KIF1B: variants seen among roughly 807,000 people sequenced by gnomAD.
KIF1B encodes kinesin family member 1B.
A neutral mutation model predicts 241.9 loss-of-function variants in KIF1B; 76 were observed. The observed-to-expected ratio is 0.31, with a 90% confidence interval of 0.26 to 0.38. The LOEUF (loss-of-function observed/expected upper bound fraction) is 0.38. Among genes scored for constraint, KIF1B ranks in the 10% least tolerant of loss-of-function variants. The pLI, the probability that KIF1B is intolerant of heterozygous loss-of-function variation, is 1.00. For synonymous variants in KIF1B, 750 were observed against 796.7 expected (o/e 0.94, Z 0.99); for missense variants, 1,622 against 2,271.4 (o/e 0.71, Z 5.81).
At chr1:10,307,601 C>T (rs954940396) in intron 22 of KIF1B, 24 of 1,009,214 alleles carry the variant, frequency 2.4e-5, no homozygotes, top group African/African-American at 5.2e-5. Flanking sequence ...TGAGCCACCG[C>T]GCCTGGCCTG....
intron 22 of KIF1B, chr1:10,304,656 C>A (rs749037941): frequency 6.2e-7 from 1 of 1,613,506 alleles, no homozygotes; most frequent in East Asian, 2.2e-5. Context: ...AAATCAGTTA[C>A]TGGACAAACT....
intron 44 of KIF1B, 109 bp from the exon 45 acceptor site, chr1:10,371,032 G>A: frequency 7.6e-7 from 1 of 1,308,260 alleles, no homozygotes; most frequent in Non-Finnish European, 1.1e-6. Flanking sequence ...ATGACCTTCT[G>A]AAACAAGATG....
chr1:10,240,257 G>A (rs776944571), intron 2 of KIF1B, among the ~76,000 whole-genome samples: 1 of 151,612 alleles, frequency 6.6e-6, no homozygotes, highest in Non-Finnish European at 1.5e-5. Flanking sequence ...TGCCCAGGCT[G>A]GAGTGCAGTG....
intron 22 of KIF1B, among the ~76,000 whole-genome samples, chr1:10,315,404 G>C (rs934948807): frequency 6.6e-6 from 1 of 150,864 alleles, no homozygotes; most frequent in African/African-American, 2.5e-5. Context: ...TTGAACTCCT[G>C]ACCTCAGGTG....
chr1:10,292,015 T>A (rs577380459), intron 16 of KIF1B, 32 bp from the exon 17 acceptor site: 1 of 1,570,060 alleles, frequency 6.4e-7, no homozygotes, highest in African/African-American at 1.3e-5. Flanking sequence ...CATTTTGGTA[T>A]TAGTGTTCTG....
intron 31 of KIF1B, 45 bp from the exon 32 acceptor site, chr1:10,339,724 C>G: frequency 6.6e-7 from 1 of 1,514,890 alleles, no homozygotes; most frequent in Non-Finnish European, 9.1e-7. Flanking sequence ...TCTGATAAAA[C>G]CGTTTAATGC....
intron 36 of KIF1B, 96 bp downstream of exon 36, chr1:10,347,923 A>G (rs142333674): frequency 3.7e-6 from 4 of 1,089,396 alleles, no homozygotes; most frequent in African/African-American, 1.6e-5. Flanking sequence ...TTTCATCTCT[A>G]TTTCAGAGGG....
At chr1:10,333,907 C>A (rs1652058214) in intron 27 of KIF1B, among the ~76,000 whole-genome samples, 1 of 151,884 alleles carries the variant, frequency 6.6e-6, no homozygotes, top group South Asian at 2.1e-4. Context: ...AATCCCAGCA[C>A]TTTGGGAGGC....
At chr1:10,253,082 A>C (rs1272959491) in intron 2 of KIF1B, among the ~76,000 whole-genome samples, 3 of 152,106 alleles carry the variant, frequency 2.0e-5, no homozygotes, top group African/African-American at 4.8e-5. Flanking sequence ...GGCCACATAC[A>C]TGTAGGTGTG....
intron 2 of KIF1B, among the ~76,000 whole-genome samples, chr1:10,233,609 G>A (rs1341585841): frequency 1.3e-5 from 2 of 151,638 alleles, no homozygotes; most frequent in Admixed American, 6.6e-5. Flanking sequence ...GAATTATATC[G>A]TATGAAAAAT....
chr1:10,320,448 C>T (rs987508447), intron 23 of KIF1B, among the ~76,000 whole-genome samples: 8 of 152,112 alleles, frequency 5.3e-5, no homozygotes. Flanking sequence ...TTTTAGATAT[C>T]CATTACAAAT....
intron 27 of KIF1B, among the ~76,000 whole-genome samples, chr1:10,333,100 C>A (rs1268429997): frequency 6.6e-6 from 1 of 151,808 alleles, no homozygotes; most frequent in Non-Finnish European, 1.5e-5. Flanking sequence ...GCATGAGCCA[C>A]CACTCCCAGC....
intron 1 of KIF1B, among the ~76,000 whole-genome samples, chr1:10,227,254 T>C (rs7547513): frequency 0.55 from 83,075 of 151,548 alleles, 23,808 homozygotes; most frequent in African/African-American, 0.73. Context: ...AGGATGGTCT[T>C]GATTTCTTGA....
At chr1:10,277,045 C>T (rs1243825140) in intron 12 of KIF1B, among the ~76,000 whole-genome samples, 1 of 149,818 alleles carries the variant, frequency 6.7e-6, no homozygotes, top group East Asian at 2.0e-4. Context: ...GGCGCCACTG[C>T]ACTCCAGCCT....
At chr1:10,244,022 A>G (rs998882069) in intron 2 of KIF1B, among the ~76,000 whole-genome samples, 1 of 151,942 alleles carries the variant, frequency 6.6e-6, no homozygotes, top group Non-Finnish European at 1.5e-5. Flanking sequence ...TTTTTTTCCT[A>G]TTTTCCTATT....
In KIF1B at chr1:10,303,176, A is replaced by G. The variant is rs768319513; in HGVS notation, c.2115+5930A>G. ...GTTTTTCCAAAGGACGCGGATTCTG[A>G]TAGCGGGGACGATTCTGACAAGAGG... On this transcript the variant is annotated intron_variant, in intron 22 of 48. Coordinates refer to ENST00000676179, the MANE Select transcript of KIF1B (RefSeq NM_001365951.3). This position sits in a 1 kb window ranked among gnomAD's most constrained non-coding sequence, Gnocchi z 5.2. 3 of 1,612,786 alleles carry G rather than the reference A, an allele frequency of 1.9e-6. No homozygotes were observed. In the Admixed American group the frequency reaches 5.0e-5, roughly 27 times the overall value.
At chr1:10,317,373 A>G (rs1469241138) in intron 22 of KIF1B, among the ~76,000 whole-genome samples, 2 of 151,120 alleles carry the variant, frequency 1.3e-5, no homozygotes, top group Non-Finnish European at 2.9e-5. Context: ...GAGTTCTTCC[A>G]TCCTTTCTGA....
At chr1:10,286,255 G>T (rs1649709794) in intron 15 of KIF1B, among the ~76,000 whole-genome samples, 1 of 152,138 alleles carries the variant, frequency 6.6e-6, no homozygotes, top group Non-Finnish European at 1.5e-5. Flanking sequence ...GGCCAGGCTG[G>T]TCTCAAACTT....
At chr1:10,320,533 A>G (rs189243509) in intron 23 of KIF1B, among the ~76,000 whole-genome samples, 17 of 152,244 alleles carry the variant, frequency 1.1e-4, no homozygotes, top group Admixed American at 3.9e-4. Context: ...CATATTGCTT[A>G]GTCATGTTTG....
Sources: gnomAD v4.1 joint callset for allele counts (sites outside exome capture counted in the v4.1 genomes callset) on GRCh38, gnomAD v4.1.1 for gene constraint, Gnocchi (gnomAD v3.1) non-coding constraint, MANE v1.5 for transcripts, NCBI Gene and HGNC (gene_info 2026-07-23, HGNC 2026-07-21) for gene names.